Variants in ARHGAP15 observed in about 807,000 individuals in gnomAD.
ARHGAP15 encodes the protein Rho GTPase activating protein 15.
Under a neutral mutation model 63.7 loss-of-function variants are expected in ARHGAP15, and 51 were observed. That is an observed-to-expected ratio of 0.80 (90% CI 0.64 to 1.01). ARHGAP15 has a LOEUF of 1.01. ARHGAP15 is among the 50% of genes least tolerant of loss of function. The pLI is 0.00. For missense variants in ARHGAP15, 560 were observed against 564.6 expected (o/e 0.99, Z 0.08); for synonymous variants, 191 against 193.8 (o/e 0.99, Z 0.12).
chr2:143,557,657 C>T (rs1695863855), intron 11 of ARHGAP15, among the ~76,000 whole-genome samples: 1 of 151,962 alleles, frequency 6.6e-6, no homozygotes, highest in South Asian at 2.1e-4. Flanking sequence ...ATTGGCTTAT[C>T]AATTATAACA....
chr2:143,255,126 C>T (rs1486763424), intron 6 of ARHGAP15, among the ~76,000 whole-genome samples: 1 of 152,044 alleles, frequency 6.6e-6, no homozygotes, highest in Non-Finnish European at 1.5e-5. Flanking sequence ...ATACATTGGG[C>T]TCTTCTATAG....
chr2:143,274,079 TA>T (rs1411696120), intron 6 of ARHGAP15, among the ~76,000 whole-genome samples: 2 of 152,190 alleles, frequency 1.3e-5, no homozygotes, highest in Non-Finnish European at 2.9e-5. Context: ...AATTTTTAAG[TA>T]AAATGTCCTG....
At chr2:143,359,945 T>C (rs193146291) in intron 6 of ARHGAP15, among the ~76,000 whole-genome samples, 1 of 152,176 alleles carries the variant, frequency 6.6e-6, no homozygotes, top group Admixed American at 6.5e-5. Flanking sequence ...ACAAACACTT[T>C]TTTCTTTTAA....
chr2:143,303,078 A>G (rs1362401259), intron 6 of ARHGAP15, among the ~76,000 whole-genome samples: 1 of 152,102 alleles, frequency 6.6e-6, no homozygotes, highest in East Asian at 1.9e-4. Flanking sequence ...AACCTAGGCA[A>G]TACCATTCAG....
At chr2:143,586,696 G>T (rs1697123634) in intron 11 of ARHGAP15, among the ~76,000 whole-genome samples, 1 of 151,140 alleles carries the variant, frequency 6.6e-6, no homozygotes, top group African/African-American at 2.4e-5. Flanking sequence ...TTAACTATAG[G>T]TTAACTATTT....
chr2:143,567,841 G>A (rs560558941), intron 11 of ARHGAP15, among the ~76,000 whole-genome samples: 1 of 152,258 alleles, frequency 6.6e-6, no homozygotes, highest in East Asian at 1.9e-4. Flanking sequence ...ATTACAAGTG[G>A]ATGTCCTGGT....
Position 143,228,575 on chromosome 2 carries a change from C to G in ARHGAP15, c.297-6C>G. The G allele has an allele frequency of 6.3e-7, 1 of 1,587,960 alleles. No individual in the cohort carries two copies. Among genetic ancestry groups the G allele is most frequent in the Non-Finnish European group, 8.6e-7 (1 of 1,164,996 alleles). ...CTTTCTTTCCCTTTTATTTTTTTGT[C>G]CTAAGGAAAAACTGGTCTACTTCCT... On this transcript the variant is annotated splice_polypyrimidine_tract_variant and splice_region_variant and intron_variant, in intron 4 of 13. Transcript: ENST00000295095.
intron 9 of ARHGAP15, among the ~76,000 whole-genome samples, chr2:143,494,648 A>G (rs927543131): frequency 6.6e-6 from 1 of 151,960 alleles, no homozygotes; most frequent in African/African-American, 2.4e-5. Context: ...ATTTCTATCA[A>G]ATTAGTGACT....
At chr2:143,388,262 AC>A (rs1207649442) in intron 6 of ARHGAP15, among the ~76,000 whole-genome samples, 1 of 152,188 alleles carries the variant, frequency 6.6e-6, no homozygotes, top group African/African-American at 2.4e-5. Flanking sequence ...TTGTATGAAA[AC>A]CAAAGGTGAA....
chr2:143,664,294 G>A (rs1682022221), intron 12 of ARHGAP15, among the ~76,000 whole-genome samples: 1 of 151,534 alleles, frequency 6.6e-6, no homozygotes, highest in South Asian at 2.1e-4. Context: ...CATGGAAACT[G>A]AACAACCTGC....
chr2:143,252,934 A>G (rs1455218814), intron 6 of ARHGAP15, among the ~76,000 whole-genome samples: 1 of 152,080 alleles, frequency 6.6e-6, no homozygotes, highest in Non-Finnish European at 1.5e-5. Context: ...ACATGGTATT[A>G]AGGCATTGTT....
At chr2:143,272,444 A>T (rs1681331491) in intron 6 of ARHGAP15, among the ~76,000 whole-genome samples, 1 of 152,112 alleles carries the variant, frequency 6.6e-6, no homozygotes, top group Non-Finnish European at 1.5e-5. Context: ...CAGCTAGCCA[A>T]CACAGTTGAA....
At chr2:143,700,607 C>A (rs1255927430) in intron 12 of ARHGAP15, among the ~76,000 whole-genome samples, 1 of 152,152 alleles carries the variant, frequency 6.6e-6, no homozygotes. Context: ...AGTAGTTCAC[C>A]AGATCCTCAG....
rs552200717 is a variant in ARHGAP15, at chr2:143,597,425, G to A, written c.1004-26708G>A. Among the ~76,000 whole-genome samples the A allele has an allele frequency of 2.3e-3, 349 of 152,042 alleles. 1 individual carries two copies. Among genetic ancestry groups the A allele is most frequent in the African/African-American group, 8.0e-3 (330 of 41,482 alleles). On this transcript the variant is annotated intron_variant, in intron 11 of 13. Coordinates refer to ENST00000295095, the MANE Select transcript of ARHGAP15 (RefSeq NM_018460.4). The stretch of plus-strand genomic sequence containing the variant: ...CCAGTTTATGAGGAAATGTCTTAAC[G>A]TCACCTTTCTAGGAGAAAGCAAGAG...
Position 143,153,843 on chromosome 2 carries a change from T to TCTTCCTCC in ARHGAP15, c.-14-1634_-14-1633insCTTCCTCC, listed in dbSNP as rs1558779622. Among the ~76,000 whole-genome samples, 696 of 86,858 alleles carry TCTTCCTCC rather than the reference T, an allele frequency of 8.0e-3. 36 individuals carry two copies. Among genetic ancestry groups the TCTTCCTCC allele is most frequent in the South Asian group, 0.022 (46 of 2,066 alleles). The allele number at this position is 86,858 out of a possible 152,430, so 57.0% of individuals were successfully genotyped here. A position where few individuals can be genotyped will look rare whatever the true frequency, so the allele number is the denominator to read the frequency against. On this transcript the variant is annotated intron_variant, in intron 1 of 13. Transcript: ENST00000295095. ...CTTCTTCTTCTTCTTCTTCTTCTTC[T>TCTTCCTCC]TCCTCCTCCTCCTCCTCCTCCTCCT... is the stretch of plus-strand genomic sequence containing the variant.
intron 2 of ARHGAP15, among the ~76,000 whole-genome samples, chr2:143,165,614 T>C (rs980613537): frequency 3.5e-4 from 54 of 152,140 alleles, no homozygotes; most frequent in African/African-American, 1.0e-3. Context: ...CTTAAAAAAA[T>C]GTATTCAAGG....
At chr2:143,422,011 G>C (rs1404316156) in intron 6 of ARHGAP15, among the ~76,000 whole-genome samples, 2 of 152,004 alleles carry the variant, frequency 1.3e-5, no homozygotes, top group Non-Finnish European at 2.9e-5. Context: ...CAGGACAGTG[G>C]CTTCTTTAAA....
intron 10 of ARHGAP15, among the ~76,000 whole-genome samples, chr2:143,552,077 C>T (rs1244521533): frequency 6.6e-6 from 1 of 152,280 alleles, no homozygotes; most frequent in East Asian, 1.9e-4. Flanking sequence ...GCCAGAAGTT[C>T]AAAGTATTGC....
intron 6 of ARHGAP15, among the ~76,000 whole-genome samples, chr2:143,339,400 AGATACAG>A (rs1558904917): frequency 6.6e-6 from 1 of 152,162 alleles, no homozygotes; most frequent in East Asian, 1.9e-4. Context: ...TTTGATAGTC[AGATACAG>A]GATACAGCAA....
Sources: gnomAD v4.1 joint callset for allele counts (sites outside exome capture counted in the v4.1 genomes callset) on GRCh38, gnomAD v4.1.1 for gene constraint, MANE v1.5 for transcripts, NCBI Gene and HGNC (gene_info 2026-07-23, HGNC 2026-07-21) for gene names.